MED12L: variants seen among roughly 807,000 people sequenced by gnomAD.
MED12L encodes the protein mediator complex subunit 12L, also known as mediator of RNA polymerase II transcription subunit 12-like protein.
MED12L carries 60 observed loss-of-function variants against 281.3 expected under a neutral mutation model. The observed-to-expected ratio is 0.21, with a 90% CI of 0.17 to 0.26. The LOEUF is 0.26. Ranked by LOEUF, MED12L falls within the 10% of genes least tolerant of loss-of-function variation. The pLI, the probability that MED12L is intolerant of heterozygous loss-of-function variation, is 1.00. For synonymous variants in MED12L, 974 were observed against 987.2 expected (o/e 0.99, Z 0.25); for missense variants, 2,146 against 2,680.9 (o/e 0.80, Z 4.41).
At chr3:151,208,233 T>G (rs886693849) in intron 16 of MED12L, among the ~76,000 whole-genome samples, 14 of 152,226 alleles carry the variant, frequency 9.2e-5, no homozygotes, top group African/African-American at 3.4e-4. Flanking sequence ...GAATTTGATG[T>G]GGAGTTGAAG....
chr3:151,290,255 TA>T (rs1219726748), intron 16 of MED12L, among the ~76,000 whole-genome samples: 6 of 152,202 alleles, frequency 3.9e-5, no homozygotes, highest in Non-Finnish European at 8.8e-5. Flanking sequence ...TAAACTGAAA[TA>T]AAAGGAATTT....
Position 151,291,622 on chromosome 3 carries a change from T to C in MED12L, c.2251-58437T>C, listed in dbSNP as rs139136129. 1.9e-3 allele frequency among the ~76,000 whole-genome samples: 285 copies of C among 152,324 alleles called. 1 individual carries two copies. The highest frequency in any genetic ancestry group is 3.4e-3 in the Middle Eastern group (1 of 294). ...TAAGTAAGAAATTTTGGATTTCAAA[T>C]TTTAGATTATTCCCAAAAGCCAGTT... On this transcript the variant is annotated intron_variant, in intron 16 of 44. Transcript: ENST00000687756.
chr3:151,284,158 G>A (rs777767450), intron 16 of MED12L, among the ~76,000 whole-genome samples: 2 of 152,222 alleles, frequency 1.3e-5, no homozygotes, highest in South Asian at 4.1e-4. Flanking sequence ...CTGCCACGAT[G>A]TGTGGGAGGA....
intron 2 of MED12L, among the ~76,000 whole-genome samples, chr3:151,101,720 T>G: frequency 6.7e-6 from 1 of 149,856 alleles, no homozygotes; most frequent in Non-Finnish European, 1.5e-5. Context: ...TGGGGGATGG[T>G]GGTGAGCTCA....
intron 16 of MED12L, among the ~76,000 whole-genome samples, chr3:151,317,968 T>C (rs771721658): frequency 6.6e-6 from 1 of 152,198 alleles, no homozygotes; most frequent in Non-Finnish European, 1.5e-5. Flanking sequence ...AGTGTTTACT[T>C]GTGTCTTAAG....
chr3:151,194,212 C>T (rs1484604746), intron 16 of MED12L, among the ~76,000 whole-genome samples: 1 of 152,082 alleles, frequency 6.6e-6, no homozygotes, highest in Non-Finnish European at 1.5e-5. Context: ...GGTGATCCGT[C>T]CGCCTAGGCC....
At chr3:151,294,646 C>A (rs377231228) in intron 16 of MED12L, 77 of 1,614,024 alleles carry the variant, frequency 4.8e-5, no homozygotes, top group Non-Finnish European at 1.1e-5. Context: ...GCCATTTGAC[C>A]CCCAAAGGAC....
At chr3:151,217,460 AG>A (rs950624856) in intron 16 of MED12L, among the ~76,000 whole-genome samples, 2 of 152,192 alleles carry the variant, frequency 1.3e-5, no homozygotes, top group Non-Finnish European at 2.9e-5. Context: ...GTTGGATGGA[AG>A]GGACTGACTG....
chr3:151,224,364 T>C (rs1730051706), intron 16 of MED12L, among the ~76,000 whole-genome samples: 1 of 152,242 alleles, frequency 6.6e-6, no homozygotes, highest in South Asian at 2.1e-4. Flanking sequence ...ATAGTATAGA[T>C]GTATGTAATC....
intron 16 of MED12L, among the ~76,000 whole-genome samples, chr3:151,251,554 G>T (rs1736862312): frequency 1.3e-5 from 2 of 152,090 alleles, no homozygotes; most frequent in Non-Finnish European, 2.9e-5. Flanking sequence ...CCTTTTGTGG[G>T]TCTCTAATAC....
At chr3:151,106,190 GATA>G (rs141163227) in intron 2 of MED12L, among the ~76,000 whole-genome samples, 3,799 of 151,844 alleles carry the variant, frequency 0.025, 122 homozygotes, top group East Asian at 0.18. Context: ...ATTCAAGTCG[GATA>G]ATGTCACCTT....
At chr3:151,225,308 A>G (rs572083641) in intron 16 of MED12L, among the ~76,000 whole-genome samples, 7 of 152,290 alleles carry the variant, frequency 4.6e-5, no homozygotes, top group South Asian at 4.1e-4. Context: ...TGCTATAACA[A>G]TACTACGTAT....
rs770859449 is a variant in MED12L at position 151,365,013 on chromosome 3, A to T, written c.2992A>T (p.Asn998Tyr). Residue 998 changes from asparagine (N) to tyrosine (Y), a missense_variant, in exon 22 of 45, where the codon AAT becomes TAT. Transcript: ENST00000687756. ...ACSKVKQTIY[N>Y]NVMPANSNLR... Reference sequence around the variant, plus strand: ...TTCAAAAGTAAAGCAAACCATATATAATAACGTGATGCCTGCAAATTCGAA... The same window carrying T: ...TTCAAAAGTAAAGCAAACCATATATTATAACGTGATGCCTGCAAATTCGAA... The T allele has an allele frequency of 1.2e-6, 2 of 1,614,032 alleles. No individual in the cohort carries two copies. The highest frequency in any genetic ancestry group is 2.2e-5 in the South Asian group (2 of 91,084).
At chr3:151,286,900 C>T (rs1743585060) in intron 16 of MED12L, among the ~76,000 whole-genome samples, 1 of 152,134 alleles carries the variant, frequency 6.6e-6, no homozygotes, top group Non-Finnish European at 1.5e-5. Flanking sequence ...CTAATGTTCT[C>T]ATAGTTAGAT....
chr3:151,182,985 G>A (rs1208863414), intron 11 of MED12L, among the ~76,000 whole-genome samples: 3 of 152,174 alleles, frequency 2.0e-5, no homozygotes, highest in Non-Finnish European at 2.9e-5. Flanking sequence ...AGTTGTGTAA[G>A]TGGATGTTAT....
At chr3:151,413,383 T>C in intron 42 of MED12L, 88 bp downstream of exon 42, 1 of 1,436,078 alleles carries the variant, frequency 7.0e-7, no homozygotes, top group Non-Finnish European at 9.4e-7. Flanking sequence ...ACACTATAGT[T>C]GTCAATTGCC....
chr3:151,352,695 G>A (rs1753386034), intron 17 of MED12L, among the ~76,000 whole-genome samples: 1 of 152,152 alleles, frequency 6.6e-6, no homozygotes, highest in Non-Finnish European at 1.5e-5. Context: ...GGAATTTATA[G>A]TATAAAGTTT....
At chr3:151,282,212 C>T (rs1231899817) in intron 16 of MED12L, among the ~76,000 whole-genome samples, 1 of 152,136 alleles carries the variant, frequency 6.6e-6, no homozygotes, top group Non-Finnish European at 1.5e-5. Context: ...CTGTATAGAC[C>T]TTATTCTTTT....
intron 2 of MED12L, among the ~76,000 whole-genome samples, chr3:151,115,533 G>C (rs1160020702): frequency 6.6e-6 from 1 of 151,058 alleles, no homozygotes; most frequent in Non-Finnish European, 1.5e-5. Flanking sequence ...TTTTAGTAGA[G>C]ATGGGGTCTC....
Sources: allele counts gnomAD v4.1 joint callset (sites outside exome capture counted in the v4.1 genomes callset), GRCh38; gene constraint gnomAD v4.1.1; transcripts MANE v1.5; gene names NCBI Gene and HGNC (gene_info 2026-07-23, HGNC 2026-07-21).